The following TEX52 variants were observed in gnomAD, a reference collection of about 807,000 sequenced individuals.
TEX52 encodes testis expressed 52.
TEX52 carries 22 observed loss-of-function variants against 17.6 expected under a neutral mutation model. The observed-to-expected ratio is 1.25, with a 90% CI of 0.89 to 1.78. TEX52 has a LOEUF of 1.78. TEX52 is among the 40% of genes most tolerant of loss of function. TEX52 has a pLI of 0.00. For synonymous variants in TEX52, 168 were observed against 147.4 expected (o/e 1.14, Z -1.01); for missense variants, 396 against 372.3 (o/e 1.06, Z -0.52).
Position 2,849,180 on chromosome 12 carries a change from C to T in TEX52, c.*51G>A, listed in dbSNP as rs2098061921. On this transcript the variant is annotated 3_prime_UTR_variant, in exon 3 of 3. Transcript: ENST00000637658. ...TTGCTGAAGGAGCATTGATTGAGAA[C>T]ACTGGAGCCTGGGGCTCTGGGTATC... is the stretch of plus-strand genomic sequence containing the variant. 1 of 1,486,818 alleles carries T rather than the reference C, an allele frequency of 6.7e-7. No homozygotes were observed. 92.1% of individuals were successfully genotyped at this position (1,486,818 alleles called of 1,614,324 possible).
In TEX52 at chr12:2,849,125, G is replaced by T; in HGVS notation, c.*106C>A. ...ATGGTGGAGAGGCTGTTCTGCAGAA[G>T]CCAGAGTCCTTTTGCTACCCCAGGG... is the stretch of plus-strand genomic sequence containing the variant. On this transcript the variant is annotated 3_prime_UTR_variant, in exon 3 of 3. Coordinates refer to ENST00000637658, the MANE Select transcript of TEX52 (RefSeq NM_001365174.2). 8.2e-7 allele frequency: 1 copy of T among 1,216,690 alleles called. No individual in the cohort carries two copies. 75.4% of individuals were successfully genotyped at this position (1,216,690 alleles called of 1,614,324 possible).
chr12:2,856,240 C>A (rs1332913140), intron 1 of TEX52, among the ~76,000 whole-genome samples: 3 of 152,132 alleles, frequency 2.0e-5, no homozygotes, highest in Non-Finnish European at 4.4e-5. Flanking sequence ...GGACTTAAGC[C>A]CTCTGTCTGT....
At chr12:2,854,407 C>A (rs963125552) in intron 2 of TEX52, among the ~76,000 whole-genome samples, 2 of 152,212 alleles carry the variant, frequency 1.3e-5, no homozygotes, top group Non-Finnish European at 2.9e-5. Context: ...ACCTGAGGCT[C>A]CCCCCTTCAT....
intron 2 of TEX52, 70 bp from the exon 3 acceptor site, chr12:2,849,595 G>T (rs1042543910): frequency 1.7e-5 from 26 of 1,499,848 alleles, no homozygotes; most frequent in Non-Finnish European, 2.1e-5. Flanking sequence ...GAGAGACGGG[G>T]AAGGGGAAGG....
downstream of TEX52, among the ~76,000 whole-genome samples, chr12:2,848,218 G>A (rs1297409467): frequency 6.6e-6 from 1 of 152,172 alleles, no homozygotes; most frequent in Non-Finnish European, 1.5e-5. Context: ...TGGGCAGGAG[G>A]CCAAGAGAAG....
rs2098063073 is a variant in TEX52 at position 2,849,437 on chromosome 12, A to G, written c.712T>C (p.Trp238Arg). 6.5e-7 allele frequency: 1 copy of G among 1,536,068 alleles called. No homozygotes were observed. Among genetic ancestry groups the G allele is most frequent in the African/African-American group, 1.4e-5 (1 of 73,056 alleles). The change falls in exon 3 of 3, where the codon TGG (tryptophan) becomes CGG (arginine). Residue 238 changes from tryptophan (W) to arginine (R), a missense_variant. Physicochemically the swap from Trp to Arg is moderately radical, Grantham distance 101 (BLOSUM62 -3). Coordinates refer to ENST00000637658, the MANE Select transcript of TEX52 (RefSeq NM_001365174.2). Reference protein sequence around the residue: ...NPFPNNFARSWPCPNPLPHYQ... With the variant: ...NPFPNNFARSRPCPNPLPHYQ... The stretch of plus-strand genomic sequence containing the variant: ...TGAGGCAGAGGGTTTGGGCAGGGCC[A>G]GCTCCTGGCGAAATTATTGGGAAAC...
At chr12:2,851,733 C>T (rs985096440) in intron 2 of TEX52, among the ~76,000 whole-genome samples, 2 of 151,562 alleles carry the variant, frequency 1.3e-5, no homozygotes, top group African/African-American at 4.9e-5. Flanking sequence ...GGCTGGAATG[C>T]AGTGGCGTGA....
intron 1 of TEX52, among the ~76,000 whole-genome samples, chr12:2,856,478 GCCTCAGCCT>G: frequency 6.6e-6 from 1 of 152,270 alleles, no homozygotes; most frequent in Non-Finnish European, 1.5e-5. Flanking sequence ...TGATTCTCCT[GCCTCAGCCT>G]CCTGAGTAGC....
intron 2 of TEX52, among the ~76,000 whole-genome samples, chr12:2,853,592 GTTGTTT>G (rs796760977): frequency 1.1e-4 from 16 of 150,256 alleles, no homozygotes; most frequent in Admixed American, 1.3e-4. Flanking sequence ...TGTTGTTGTT[GTTGTTT>G]TTGTTTTTGT....
At chr12:2,854,680 G>A (rs1025223861) in intron 2 of TEX52, among the ~76,000 whole-genome samples, 1 of 152,112 alleles carries the variant, frequency 6.6e-6, no homozygotes. Context: ...CACCTGCATA[G>A]CTGTCCCCCA....
chr12:2,850,544 T>G (rs899452096), intron 2 of TEX52, among the ~76,000 whole-genome samples: 1 of 151,992 alleles, frequency 6.6e-6, no homozygotes, highest in Non-Finnish European at 1.5e-5. Context: ...ATGTAAATGT[T>G]GTATTTCCTC....
intron 2 of TEX52, among the ~76,000 whole-genome samples, chr12:2,849,991 A>G (rs997630153): frequency 2.4e-4 from 36 of 152,182 alleles, no homozygotes; most frequent in African/African-American, 8.0e-4. Context: ...CCAGTTTTCT[A>G]TGACTCAGCG....
intron 2 of TEX52, among the ~76,000 whole-genome samples, chr12:2,851,820 A>C (rs1271728621): frequency 6.6e-6 from 1 of 152,070 alleles, no homozygotes; most frequent in African/African-American, 2.4e-5. Flanking sequence ...CTGGGATTAC[A>C]GGCATGTGCC....
At chr12:2,852,165 G>A (rs1048964082) in intron 2 of TEX52, among the ~76,000 whole-genome samples, 1 of 152,038 alleles carries the variant, frequency 6.6e-6, no homozygotes. Flanking sequence ...CCTTCTCTGG[G>A]GACCTAATTC....
At chr12:2,850,206 T>G (rs2098065512) in intron 2 of TEX52, among the ~76,000 whole-genome samples, 1 of 152,138 alleles carries the variant, frequency 6.6e-6, no homozygotes, top group African/African-American at 2.4e-5. Context: ...CCGGACCCAG[T>G]GGCTCACACC....
intron 2 of TEX52, among the ~76,000 whole-genome samples, chr12:2,853,583 G>T (rs71458022): frequency 0.13 from 19,059 of 150,704 alleles, 1,969 homozygotes; most frequent in African/African-American, 0.27. Flanking sequence ...TGTTTTTTTT[G>T]TTGTTGTTGT....
intron 2 of TEX52, 144 bp from the exon 3 acceptor site, chr12:2,849,669 C>A: frequency 1.1e-6 from 1 of 912,490 alleles, no homozygotes; most frequent in Admixed American, 2.4e-5. Flanking sequence ...TGTCTCTCCA[C>A]CTAATCGGAT....
chr12:2,852,800 C>T (rs1228035651), intron 2 of TEX52, among the ~76,000 whole-genome samples: 1 of 152,072 alleles, frequency 6.6e-6, no homozygotes, highest in East Asian at 1.9e-4. Context: ...GAGTTCAAGA[C>T]TAGCCTGGCC....
chr12:2,855,036 C>G lies in TEX52; in HGVS notation c.483G>C (p.Val161=). The G allele has an allele frequency of 6.5e-7, 1 of 1,536,116 alleles. No individual in the cohort carries two copies. The highest frequency in any genetic ancestry group is 8.7e-7 in the Non-Finnish European group (1 of 1,146,912). The part of the protein sequence containing the change: ...LTFIHCYPTF[V]DMKRKKQVIF... ...TCACCTGCTTCTTCCTTTTCATGTC[C>G]ACAAACGTGGGATAACAGTGGATGA... The change falls in exon 2 of 3, where the codon GTG becomes GTC. Residue 161 remains valine (V), a synonymous_variant. Coordinates refer to ENST00000637658, the MANE Select transcript of TEX52 (RefSeq NM_001365174.2).
Sources: gnomAD v4.1 joint callset for allele counts (sites outside exome capture counted in the v4.1 genomes callset) on GRCh38, gnomAD v4.1.1 for gene constraint, MANE v1.5 for transcripts, NCBI Gene and HGNC (gene_info 2026-07-23, HGNC 2026-07-21) for gene names.